Variants in GRM6 observed in about 807,000 individuals in gnomAD.
GRM6 encodes the protein metabotropic glutamate receptor 6.
A neutral mutation model predicts 78.4 loss-of-function variants in GRM6; 73 were observed. The observed-to-expected ratio is 0.93, with a 90% CI of 0.77 to 1.13. The LOEUF (loss-of-function observed/expected upper bound fraction) is 1.13. Ranked by LOEUF, GRM6 falls within the 50% of genes most tolerant of loss-of-function variation. GRM6 has a pLI of 0.00. For missense variants in GRM6, 1,251 were observed against 1,256.4 expected (o/e 1.00, Z 0.07); for synonymous variants, 580 against 555.0 (o/e 1.05, Z -0.63).
intron 10 of GRM6, 158 bp downstream of exon 10, chr5:178,982,752 A>G (rs963047872): frequency 1.1e-5 from 7 of 637,806 alleles, no homozygotes; most frequent in Non-Finnish European, 2.0e-5. Context: ...AAGCTTGGAA[A>G]AGTGAATGAA....
In GRM6 at chr5:178,994,652, G is replaced by T. The variant is rs1247902705; in HGVS notation, c.293C>A (p.Thr98Asn). 1 of 1,465,170 alleles carries T rather than the reference G, an allele frequency of 6.8e-7. No homozygotes were observed. The highest frequency in any genetic ancestry group is 3.0e-5 in the East Asian group (1 of 33,344). The allele number at this position is 1,465,170 out of a possible 1,614,324, so 90.8% of individuals were successfully genotyped here. A position where few individuals can be genotyped will look rare whatever the true frequency, so the allele number is the denominator to read the frequency against. ...CAGCGCGTAGGTGTCCCGCGAGCAG[G>T]TGTCCAGCAGCCGCGCGCCCAGGCG... ...GVRLGARLLD[T>N]CSRDTYALEQ... Residue 98 changes from threonine to asparagine, a missense_variant, in exon 2 of 11, where the codon ACC becomes AAC. Transcript: ENST00000517717.
Position 178,994,931 on chromosome 5 carries a change from C to T in GRM6, c.14G>A (p.Arg5Gln), listed in dbSNP as rs1304988395. 4.2e-6 allele frequency: 5 copies of T among 1,183,488 alleles called. No homozygotes were observed. The highest frequency in any genetic ancestry group is 5.2e-6 in the Non-Finnish European group (5 of 957,742). The allele number at this position is 1,183,488 out of a possible 1,614,324, so 73.3% of individuals were successfully genotyped here. A position where few individuals can be genotyped will look rare whatever the true frequency, so the allele number is the denominator to read the frequency against. Reference protein sequence around the residue: MARPRRAREPLLVAL... With the variant: MARPQRAREPLLVAL... ...CACGAGCAGCGGCTCCCGGGCTCTC[C>T]GGGGCCGCGCCATCGGCTCGTCTAG... The change falls in exon 2 of 11, where the codon CGG becomes CAG. Residue 5 changes from arginine to glutamine, a missense_variant. By Grantham distance (43) the Arg-to-Gln change is conservative. Transcript: ENST00000517717.
rs759776654 is a variant in GRM6, at chr5:178,986,336, G to A, written c.1918C>T (p.Leu640Phe). ...GCGGCCCCAGGCTCAGCCACCATGA[G>A]GAAGGTGATGGCGTAGATGAGGAAG... ...GIFLIYAITF[L>F]MVAEPGAAVC... is the part of the protein sequence containing the mutation. Residue 640 changes from leucine (L) to phenylalanine (F), a missense_variant, in exon 9 of 11, where the codon CTC (leucine) becomes TTC (phenylalanine). Physicochemically the swap from Leu to Phe is conservative, Grantham distance 22. Transcript: ENST00000517717. 1.5e-5 allele frequency: 25 copies of A among 1,614,038 alleles called. 1 individual carries two copies. The Admixed American group carries it at 4.2e-4, about 27-fold the overall frequency.
intron 9 of GRM6, chr5:178,985,310 C>T (rs749996842): frequency 4.4e-6 from 2 of 454,954 alleles, no homozygotes; most frequent in African/African-American, 2.0e-5. Flanking sequence ...CCCCACCTGA[C>T]TGCCCCGTTT....
In GRM6 at chr5:178,994,456, C is replaced by A. The variant is rs1276775902; in HGVS notation, c.489G>T (p.Val163=). 4.0e-5 allele frequency: 60 copies of A among 1,489,004 alleles called. No homozygotes were observed. The highest frequency in any genetic ancestry group is 5.2e-5 in the Non-Finnish European group (59 of 1,125,616). 92.2% of individuals were successfully genotyped at this position (1,489,004 alleles called of 1,614,324 possible). The change falls in exon 2 of 11, where the codon GTG becomes GTT. Residue 163 remains valine, a synonymous_variant. Transcript: ENST00000517717. ...CGGCCCTCACCGCAAACAGGCGCAG[C>A]ACGTTGGCGACCATGATGGAGACGG... ...ASSVSIMVAN[V]LRLFAIPQIS...
At chr5:178,985,880 G>A (rs1760530260) in intron 9 of GRM6, 3 of 561,558 alleles carry the variant, frequency 5.3e-6, no homozygotes, top group Non-Finnish European at 9.7e-6. Context: ...TCCTATTTCA[G>A]CCTCCCAAGT....
intron 9 of GRM6, chr5:178,983,496 G>A (rs756723055): frequency 6.2e-6 from 4 of 649,726 alleles, no homozygotes. Flanking sequence ...CATCAGTGCA[G>A]TGTGCATAAG....
In GRM6 at chr5:178,984,446, A is replaced by G. The variant is rs138380985; in HGVS notation, c.2125-1225T>C. ...GTGAGATGCCATTTTGCAGCCCGTC[A>G]TGACGTGGTAGTCATGGCAAAACAC... On this transcript the variant is annotated intron_variant, in intron 9 of 10. Coordinates refer to ENST00000517717, the MANE Select transcript of GRM6 (RefSeq NM_000843.4). Among the ~76,000 whole-genome samples, 1,399 of 152,320 alleles carry G rather than the reference A, an allele frequency of 9.2e-3. 19 individuals carry two copies. Among genetic ancestry groups the G allele is most frequent in the African/African-American group, 0.032 (1,343 of 41,568 alleles).
chr5:178,982,796 A>G (rs1020058795), intron 10 of GRM6, 114 bp downstream of exon 10: 27 of 755,118 alleles, frequency 3.6e-5, no homozygotes, highest in Middle Eastern at 3.5e-4. Context: ...GTGAATGAAC[A>G]AGCAGCCAGA....
In GRM6 at chr5:178,986,691, G is replaced by A; in HGVS notation, c.1563C>T (p.Pro521=). The change falls in exon 9 of 11, where the codon CCC becomes CCT. Residue 521 remains proline (P), a synonymous_variant. Coordinates refer to ENST00000517717, the MANE Select transcript of GRM6 (RefSeq NM_000843.4). The part of the protein sequence containing the change: ...HEVPSSLCSL[P]CGPGERKKMV... ...TCTTCTTCCGCTCCCCCGGCCCGCAGGGCAGGCTGCACAGAGACGAGGGCA... is the reference window on the plus strand; with the variant it reads ...TCTTCTTCCGCTCCCCCGGCCCGCAAGGCAGGCTGCACAGAGACGAGGGCA... The A allele has an allele frequency of 6.2e-7, 1 of 1,604,360 alleles. No homozygotes were observed. The highest frequency in any genetic ancestry group is 8.5e-7 in the Non-Finnish European group (1 of 1,179,870).
rs151156480 is a variant in GRM6, at chr5:178,986,408, C to T, written c.1846G>A (p.Val616Ile). 9.1e-5 allele frequency: 147 copies of T among 1,613,678 alleles called. No individual in the cohort carries two copies. The highest frequency in any genetic ancestry group is 1.1e-4 in the Non-Finnish European group (131 of 1,180,008). ...TFVRYNNTPIVRASGRELSYV... is the reference protein window; with the variant it reads ...TFVRYNNTPIIRASGRELSYV... The stretch of plus-strand genomic sequence containing the variant: ...CTGAGCTCTCGGCCCGAGGCCCGGA[C>T]GATGGGCGTGTTGTTGTACCGCACG... The change falls in exon 9 of 11, where the codon GTC becomes ATC. Residue 616 changes from valine (V) to isoleucine (I), a missense_variant. Coordinates refer to ENST00000517717, the MANE Select transcript of GRM6 (RefSeq NM_000843.4).
chr5:178,993,840 A>G (rs1321203039), intron 2 of GRM6, among the ~76,000 whole-genome samples: 1 of 152,272 alleles, frequency 6.6e-6, no homozygotes, highest in Middle Eastern at 3.4e-3. Context: ...GGCAGGGTGC[A>G]GGAGACCAGA....
intron 7 of GRM6, among the ~76,000 whole-genome samples, chr5:178,987,958 C>T (rs1019235478): frequency 2.0e-5 from 3 of 149,918 alleles, no homozygotes; most frequent in African/African-American, 7.4e-5. Flanking sequence ...TGGGGTTTCA[C>T]CATGTTGGCC....
intron 4 of GRM6, 39 bp from the exon 5 acceptor site, chr5:178,990,785 G>A: frequency 3.9e-6 from 6 of 1,519,540 alleles, no homozygotes; most frequent in Non-Finnish European, 5.3e-6. Flanking sequence ...GGGCCTGGGA[G>A]CCTCCTCCAG....
Position 178,986,610 on chromosome 5 carries a change from G to A in GRM6, c.1644C>T (p.Phe548=). The A allele has an allele frequency of 6.2e-7, 1 of 1,603,998 alleles. No homozygotes were observed. Among genetic ancestry groups the A allele is most frequent in the Non-Finnish European group, 8.5e-7 (1 of 1,179,900 alleles). Residue 548 remains phenylalanine (F), a synonymous_variant, in exon 9 of 11, where the codon TTC becomes TTT. Transcript: ENST00000517717. ...CCTCGCATGTGAACTCGTCCACCTG[G>A]AAGCGGTACCCGTCACAGGCCTCGC... is the stretch of plus-strand genomic sequence containing the variant. ...WHCEACDGYR[F]QVDEFTCEAC... is the part of the protein sequence containing the mutation.
At position 178,990,219 on chromosome 5, in the gene GRM6, G is replaced by A. The variant is rs1218182606; in HGVS notation, c.1012+373C>T. ...ATCCAGATCCACAGGTAGGACTGGG[G>A]GTGCAGGGGCCTCATCACTCTGATC... On this transcript the variant is annotated intron_variant, in intron 5 of 10. Transcript: ENST00000517717. The A allele has an allele frequency of 2.2e-5, 7 of 312,728 alleles. No individual in the cohort carries two copies. The East Asian group carries it at 4.6e-4, about 21-fold the overall frequency. The allele number at this position is 312,728 out of a possible 1,614,324, so 19.4% of individuals were successfully genotyped here.
Position 178,988,915 on chromosome 5 carries a change from G to C in GRM6, c.1354+20C>G. The C allele has an allele frequency of 1.9e-6, 3 of 1,600,196 alleles. No homozygotes were observed. The highest frequency in any genetic ancestry group is 1.7e-6 in the Non-Finnish European group (2 of 1,169,590). The stretch of plus-strand genomic sequence containing the variant: ...CCCCAGCTGTCCTTCACTGCTGCAG[G>C]GGGGCAGGCACCCACTCACCATTGA... On this transcript the variant is annotated intron_variant, in intron 7 of 10. Transcript: ENST00000517717. The surrounding 1 kb of genome is among the most constrained non-coding windows in gnomAD (Gnocchi z 6.0).
chr5:178,989,211 A>AGCCC, intron 6 of GRM6, 54 bp downstream of exon 6: 2 of 121,740 alleles, frequency 1.6e-5, no homozygotes, highest in Admixed American at 1.8e-4. Context: ...CCCCCTCCCC[A>AGCCC]CCCTCACCAC....
At position 178,985,864 on chromosome 5, in the gene GRM6, C is replaced by T. The variant is rs567188801; in HGVS notation, c.2124+266G>A. The stretch of plus-strand genomic sequence containing the variant: ...GCAACCTTCAACTCTTGGGCTCAAG[C>T]GATCCTCCTATTTCAGCCTCCCAAG... On this transcript the variant is annotated intron_variant, in intron 9 of 10. Transcript: ENST00000517717. 5.2e-4 allele frequency: 288 copies of T among 549,906 alleles called. 2 individuals are homozygous for T. The highest frequency in any genetic ancestry group is 7.8e-4 in the Non-Finnish European group (234 of 301,884). The allele number at this position is 549,906 out of a possible 1,614,324, so 34.1% of individuals were successfully genotyped here.
Sources: allele counts gnomAD v4.1 joint callset (sites outside exome capture counted in the v4.1 genomes callset), GRCh38; gene constraint gnomAD v4.1.1; non-coding constraint Gnocchi (gnomAD v3.1); transcripts MANE v1.5; gene names NCBI Gene and HGNC (gene_info 2026-07-23, HGNC 2026-07-21).